ADAM10: variants seen among roughly 807,000 people sequenced by gnomAD.
The protein encoded by ADAM10 is ADAM metallopeptidase domain 10, also known as disintegrin and metalloproteinase domain-containing protein 10.
ADAM10 carries 17 observed loss-of-function variants against 90.1 expected under a neutral mutation model. The observed-to-expected ratio is 0.19, with a 90% CI of 0.13 to 0.28. The LOEUF (loss-of-function observed/expected upper bound fraction) is 0.28, where lower values mean the gene tolerates loss of function less well. ADAM10 is among the 10% of genes least tolerant of loss of function. The probability of loss-of-function intolerance (pLI) is 1.00; values close to 1 mark genes in which losing one functional copy is unlikely to be tolerated. For missense variants in ADAM10, 610 were observed against 914.3 expected, an observed-to-expected ratio of 0.67 and a Z score of 4.29; for synonymous variants, 310 against 298.6, an observed-to-expected ratio of 1.04 and a Z score of -0.40.
At chr15:58,650,405 G>A (rs1258945719) in intron 5 of ADAM10, among the ~76,000 whole-genome samples, 1 of 152,184 alleles carries the variant, frequency 6.6e-6, no homozygotes, top group African/African-American at 2.4e-5. Context: ...TAGGGACTGA[G>A]ATGTGGTGTG....
At chr15:58,728,925 C>T (rs1405150582) in intron 1 of ADAM10, among the ~76,000 whole-genome samples, 1 of 152,146 alleles carries the variant, frequency 6.6e-6, no homozygotes, top group African/African-American at 2.4e-5. Context: ...TAAATGACAA[C>T]CAGTGACCAC....
chr15:58,680,085 T>C lies in ADAM10; in HGVS notation c.326-803A>G, dbSNP rs140987032. Among the ~76,000 whole-genome samples, 1,286 of 152,220 alleles carry C rather than the reference T, an allele frequency of 8.4e-3. 20 individuals are homozygous for C. Among genetic ancestry groups the C allele is most frequent in the African/African-American group, 0.029 (1,223 of 41,526 alleles). On this transcript the variant is annotated intron_variant, in intron 3 of 15. Transcript: ENST00000260408. ...ATATATTGTGCATGGGCCAGGCCTT[T>C]TGGCTTCTGCGCTATGCTTAGGGGT...
chr15:58,693,245 T>G, intron 2 of ADAM10: 1 of 583,722 alleles, frequency 1.7e-6, no homozygotes, highest in Admixed American at 2.4e-5. Context: ...GTGGGCTGAG[T>G]GTCCAAAATG....
At chr15:58,653,225 T>C (rs1289528903) in intron 5 of ADAM10, among the ~76,000 whole-genome samples, 10 of 152,204 alleles carry the variant, frequency 6.6e-5, no homozygotes, top group African/African-American at 2.4e-4. Flanking sequence ...ACTTCTCTGA[T>C]TGCTCTAGCT....
chr15:58,727,244 G>A (rs1182410328), intron 1 of ADAM10, among the ~76,000 whole-genome samples: 1 of 129,828 alleles, frequency 7.7e-6, no homozygotes, highest in Non-Finnish European at 1.5e-5. Flanking sequence ...AGGCCGTAGC[G>A]CAACGGCGCA....
At chr15:58,739,569 T>C (rs1254159467) in intron 1 of ADAM10, among the ~76,000 whole-genome samples, 2 of 152,068 alleles carry the variant, frequency 1.3e-5, no homozygotes, top group Non-Finnish European at 2.9e-5. Flanking sequence ...AATTCTTAAA[T>C]TTTATAAATT....
intron 2 of ADAM10, among the ~76,000 whole-genome samples, chr15:58,685,539 A>G (rs1897567385): frequency 7.6e-6 from 1 of 131,544 alleles, no homozygotes; most frequent in Non-Finnish European, 1.6e-5. Flanking sequence ...CAAGAATATG[A>G]AGGAGAATAT....
intron 8 of ADAM10, among the ~76,000 whole-genome samples, chr15:58,633,805 C>CA (rs1468295805): frequency 6.0e-5 from 9 of 149,822 alleles, no homozygotes; most frequent in African/African-American, 1.5e-4. Flanking sequence ...GTCACTTCTA[C>CA]AAGAAGCAGT....
intron 14 of ADAM10, among the ~76,000 whole-genome samples, chr15:58,606,844 G>A (rs886619915): frequency 6.6e-6 from 1 of 152,186 alleles, no homozygotes; most frequent in Non-Finnish European, 1.5e-5. Context: ...CACCGCTCTC[G>A]ATCAGGAGTT....
chr15:58,723,047 T>A (rs1029864590), intron 1 of ADAM10, among the ~76,000 whole-genome samples: 6 of 152,166 alleles, frequency 3.9e-5, no homozygotes, highest in African/African-American at 1.2e-4. Flanking sequence ...AGAGGATTTT[T>A]TTTTTCTTTT....
intron 2 of ADAM10, among the ~76,000 whole-genome samples, chr15:58,705,162 T>C (rs954211851): frequency 1.3e-5 from 2 of 152,206 alleles, no homozygotes; most frequent in African/African-American, 4.8e-5. Context: ...CACTACTATG[T>C]TTCTTTCAGC....
At chr15:58,734,898 A>G (rs976994162) in intron 1 of ADAM10, among the ~76,000 whole-genome samples, 2 of 152,180 alleles carry the variant, frequency 1.3e-5, no homozygotes, top group Admixed American at 1.3e-4. Context: ...TAGTGATTGA[A>G]ATGGGCATGG....
intron 4 of ADAM10, chr15:58,672,709 T>C (rs1176837092): frequency 1.4e-5 from 2 of 141,920 alleles, no homozygotes; most frequent in Non-Finnish European, 3.0e-5. Context: ...AGCAGCCTTA[T>C]GAAAAGGCTG....
chr15:58,638,202 TGAAA>T (rs1318350097), intron 8 of ADAM10, among the ~76,000 whole-genome samples: 9 of 151,822 alleles, frequency 5.9e-5, no homozygotes, highest in East Asian at 1.9e-4. Flanking sequence ...ATCTAATGTC[TGAAA>T]GAAAGAGAGA....
At chr15:58,644,234 G>GTT (rs1213841759) in intron 6 of ADAM10, among the ~76,000 whole-genome samples, 9 of 133,594 alleles carry the variant, frequency 6.7e-5, no homozygotes, top group African/African-American at 1.4e-4. Context: ...TTCTTTTTTT[G>GTT]TTTTTTTTTT....
At position 58,703,310 on chromosome 15, in the gene ADAM10, A is replaced by AC. The variant is rs1555420188; in HGVS notation, c.206+14266_206+14267insG. Among the ~76,000 whole-genome samples the AC allele has an allele frequency of 1.3e-4, 19 of 151,678 alleles. No individual in the cohort carries two copies. The South Asian group carries it at 2.7e-3, about 22-fold the overall frequency. On this transcript the variant is annotated intron_variant, in intron 2 of 15. Transcript: ENST00000260408. ...TTCCCTCAAAAAAAAAAAAAAAAAAAACACACAGAAATACCATATGATCCA... is the reference window on the plus strand; with the variant it reads ...TTCCCTCAAAAAAAAAAAAAAAAAAACACACACAGAAATACCATATGATCCA...
chr15:58,711,564 C>G (rs1382026180), intron 2 of ADAM10, among the ~76,000 whole-genome samples: 1 of 152,120 alleles, frequency 6.6e-6, no homozygotes. Context: ...TCACAAAATT[C>G]TTTACTAAGT....
chr15:58,686,144 G>A (rs560958820), intron 2 of ADAM10, among the ~76,000 whole-genome samples: 1 of 152,320 alleles, frequency 6.6e-6, no homozygotes, highest in East Asian at 1.9e-4. Context: ...TATCGTGGAT[G>A]CATAAAGAGA....
intron 4 of ADAM10, among the ~76,000 whole-genome samples, chr15:58,667,805 A>G (rs1371416023): frequency 6.6e-6 from 1 of 151,712 alleles, no homozygotes; most frequent in Non-Finnish European, 1.5e-5. Flanking sequence ...TGGAGACAGG[A>G]AAGAACTCCA....
Sources: allele counts gnomAD v4.1 joint callset (sites outside exome capture counted in the v4.1 genomes callset), GRCh38; gene constraint gnomAD v4.1.1; transcripts MANE v1.5; gene names NCBI Gene and HGNC (gene_info 2026-07-23, HGNC 2026-07-21).